TMT1B: variants seen among roughly 807,000 people sequenced by gnomAD.
TMT1B encodes the protein thiol methyltransferase 1B, also known as thiol S-methyltransferase TMT1B.
the TMT1B span, chr12:55,681,923 G>A: frequency 3.7e-6 from 6 of 1,614,040 alleles, no homozygotes; most frequent in South Asian, 6.6e-5. Flanking sequence ...CAAGAAACGG[G>A]AGCTCTTCAG....
chr12:55,682,018 C>T, the TMT1B span: 1 of 1,614,122 alleles, frequency 6.2e-7, no homozygotes, highest in African/African-American at 1.3e-5. Context: ...TTCAGTTCTA[C>T]CCACCGGGCT....
chr12:55,681,913 C>T, the TMT1B span: 1 of 1,613,668 alleles, frequency 6.2e-7, no homozygotes, highest in Non-Finnish European at 8.5e-7. Context: ...AGATGGAGAG[C>T]AAGAAACGGG....
At chr12:55,683,986 A>G in the TMT1B span, 1 of 1,613,884 alleles carries the variant, frequency 6.2e-7, no homozygotes, top group Non-Finnish European at 8.5e-7. Flanking sequence ...AAATGGAACG[A>G]CAGCCCCCTC....
the TMT1B span, chr12:55,684,598 A>T: frequency 5.8e-6 from 1 of 171,986 alleles, no homozygotes; most frequent in South Asian, 1.7e-4. Context: ...TAATAAATAG[A>T]CGAAACCACG....
chr12:55,682,190 G>T, the TMT1B span: 1 of 1,614,012 alleles, frequency 6.2e-7, no homozygotes, highest in South Asian at 1.1e-5. Context: ...CTGCACTCTG[G>T]TGCTGTGCTC....
At chr12:55,682,099 G>A in the TMT1B span, 1 of 1,614,162 alleles carries the variant, frequency 6.2e-7, no homozygotes, top group East Asian at 2.2e-5. Context: ...CTGAGAACAG[G>A]CACCTCCAAT....
chr12:55,681,973 C>G, the TMT1B span: 1 of 1,614,224 alleles, frequency 6.2e-7, no homozygotes, highest in South Asian at 1.1e-5. Flanking sequence ...GGAAAGTGGC[C>G]CTACTGGAGC....
the TMT1B span, chr12:55,684,547 C>T: frequency 7.7e-4 from 129 of 168,372 alleles, no homozygotes; most frequent in Non-Finnish European, 1.2e-3. Flanking sequence ...GATGCCAGAG[C>T]AAGACTCAAA....
the TMT1B span, chr12:55,682,004 A>C: frequency 6.2e-7 from 1 of 1,614,232 alleles, no homozygotes; most frequent in Non-Finnish European, 8.5e-7. Context: ...AACCGGAGCC[A>C]ACTTTCAGTT....
the TMT1B span, chr12:55,683,789 CACTA>C: frequency 3.7e-6 from 6 of 1,609,090 alleles, no homozygotes; most frequent in Non-Finnish European, 5.1e-6. Context: ...AGCCAAGTGA[CACTA>C]ACTCTCTCAT....
At chr12:55,683,871 T>A in the TMT1B span, 467 of 1,614,006 alleles carry the variant, frequency 2.9e-4, 2 homozygotes, top group Non-Finnish European at 3.4e-4. Context: ...TGGGCCTTCA[T>A]GTGGCAGCAA....
chr12:55,682,422 C>A, the TMT1B span, among the ~76,000 whole-genome samples: 3 of 151,978 alleles, frequency 2.0e-5, no homozygotes, highest in Non-Finnish European at 2.9e-5. Context: ...TGACGGGGCA[C>A]AATTGGGTGC....
the TMT1B span, chr12:55,683,734 G>A: frequency 7.1e-7 from 1 of 1,401,182 alleles, no homozygotes; most frequent in South Asian, 1.2e-5. Flanking sequence ...TCACCAAGAA[G>A]TTTGACTGTC....
chr12:55,683,352 G>A, the TMT1B span, among the ~76,000 whole-genome samples: 5 of 152,042 alleles, frequency 3.3e-5, no homozygotes, highest in Non-Finnish European at 5.9e-5. Context: ...AAAAGTAGCC[G>A]GGCGTGGTGG....
At chr12:55,684,410 A>G in the TMT1B span, 1 of 226,916 alleles carries the variant, frequency 4.4e-6, no homozygotes, top group Non-Finnish European at 8.8e-6. Context: ...GGCTACACCC[A>G]TGCGTCTCTA....
the TMT1B span, chr12:55,683,928 C>A: frequency 3.1e-6 from 5 of 1,614,114 alleles, no homozygotes; most frequent in Non-Finnish European, 3.4e-6. Context: ...TGCTGCCTCA[C>A]CAGAGAGACC....
At chr12:55,684,387 G>A in the TMT1B span, 12 of 295,412 alleles carry the variant, frequency 4.1e-5, no homozygotes, top group East Asian at 2.5e-4. Context: ...AGCTCCTCTC[G>A]CTTTCCTCCT....
the TMT1B span, chr12:55,683,753 C>A: frequency 1.3e-6 from 2 of 1,516,594 alleles, no homozygotes; most frequent in Admixed American, 1.7e-5. Context: ...TCTTGATCAG[C>A]GCGATAGGGA....
the TMT1B span, chr12:55,681,927 T>C: frequency 2.5e-6 from 4 of 1,613,938 alleles, no homozygotes; most frequent in Non-Finnish European, 3.4e-6. Context: ...AAACGGGAGC[T>C]CTTCAGCCAG....
Sources: gnomAD v4.1 joint callset for allele counts (sites outside exome capture counted in the v4.1 genomes callset) on GRCh38, gnomAD v4.1.1 for gene constraint, MANE v1.5 for transcripts, NCBI Gene and HGNC (gene_info 2026-07-23, HGNC 2026-07-21) for gene names.